ACAD9: variants seen among roughly 807,000 people sequenced by gnomAD.
ACAD9 encodes acyl-CoA dehydrogenase family member 9.
Under a neutral mutation model 70.2 loss-of-function variants are expected in ACAD9, and 53 were observed. The observed-to-expected ratio is 0.75, with a 90% confidence interval of 0.61 to 0.95. The LOEUF is 0.95. Ranked by LOEUF, ACAD9 falls within the 40% of genes least tolerant of loss-of-function variation. The probability of loss-of-function intolerance (pLI) is 0.00; values close to 1 mark genes in which losing one functional copy is unlikely to be tolerated. For synonymous variants in ACAD9, 313 were observed against 312.1 expected (o/e 1.00, Z -0.03); for missense variants, 777 against 802.8 (o/e 0.97, Z 0.39).
intron 13 of ACAD9, 152 bp downstream of exon 13, chr3:128,908,416 T>TG (rs1391062286): frequency 6.6e-6 from 6 of 907,842 alleles, no homozygotes; most frequent in South Asian, 5.6e-5. Context: ...CCTGTGGTAG[T>TG]GGGGGGCTTG....
Position 128,902,522 on chromosome 3 carries a change from G to T in ACAD9, c.883-31G>T. The T allele has an allele frequency of 6.2e-7, 1 of 1,613,746 alleles. No homozygotes were observed. ...GGCCTCCTCCCTCTGCCTCCTTCAG[G>T]GCCCCTGGGCTCTCCCTGTTCTCCC... On this transcript the variant is annotated intron_variant, in intron 8 of 17. Transcript: ENST00000308982. This position sits in a 1 kb window ranked among gnomAD's most constrained non-coding sequence, Gnocchi z 4.0.
intron 13 of ACAD9, 31 bp from the exon 14 acceptor site, chr3:128,908,942 C>G (rs757693811): frequency 6.2e-7 from 1 of 1,613,912 alleles, no homozygotes; most frequent in Non-Finnish European, 8.5e-7. Context: ...GCAGCGAGGC[C>G]TCCAGTCACA....
At position 128,911,206 on chromosome 3, in the gene ACAD9, G is replaced by A. The variant is rs191074422; in HGVS notation, c.1765+393G>A. ...CGAGTAGCTGGGATTACAGGCGCAC[G>A]CCACCACGCCCGGCTAATTTTTTGT... is the stretch of plus-strand genomic sequence containing the variant. On this transcript the variant is annotated intron_variant, in intron 17 of 17. Transcript: ENST00000308982. Among the ~76,000 whole-genome samples, 4 of 151,974 alleles carry A rather than the reference G, an allele frequency of 2.6e-5. No homozygotes were observed. The East Asian group carries it at 5.9e-4, about 22-fold the overall frequency.
chr3:128,910,006 C>A lies in ACAD9; in HGVS notation c.1564-15C>A. On this transcript the variant is annotated splice_polypyrimidine_tract_variant and intron_variant, in intron 15 of 17. Coordinates refer to ENST00000308982, the MANE Select transcript of ACAD9 (RefSeq NM_014049.5). The stretch of plus-strand genomic sequence containing the variant: ...CTAGGTAGTGAGTCCCCACTTGGAG[C>A]CTCTGTGATCCCAGACCATCATGGA... 1 of 1,612,744 alleles carries A rather than the reference C, an allele frequency of 6.2e-7. No homozygotes were observed. Among genetic ancestry groups the A allele is most frequent in the Non-Finnish European group, 8.5e-7 (1 of 1,179,676 alleles).
At chr3:128,895,756 C>A (rs1213955524) in intron 4 of ACAD9, among the ~76,000 whole-genome samples, 1 of 152,144 alleles carries the variant, frequency 6.6e-6, no homozygotes, top group Non-Finnish European at 1.5e-5. Flanking sequence ...CTGAGCATGC[C>A]CCCACTCTTT....
chr3:128,908,830 G>A (rs915131155), intron 13 of ACAD9, 143 bp from the exon 14 acceptor site: 7 of 1,332,130 alleles, frequency 5.3e-6, no homozygotes, highest in Admixed American at 3.8e-5. Flanking sequence ...GGTGGGTTTG[G>A]GGGGGTTCAG....
intron 3 of ACAD9, among the ~76,000 whole-genome samples, chr3:128,894,303 G>GCT (rs1223774272): frequency 6.6e-6 from 1 of 152,204 alleles, no homozygotes; most frequent in East Asian, 1.9e-4. Context: ...CAGTGGAAAA[G>GCT]CTCTGTCCTG....
intron 11 of ACAD9, 31 bp downstream of exon 11, chr3:128,904,536 T>C: frequency 6.2e-7 from 1 of 1,608,964 alleles, no homozygotes. Context: ...GAGCTGGCGC[T>C]GGAGGGAGGC....
At chr3:128,880,559 T>C (rs1935060712) in intron 1 of ACAD9, among the ~76,000 whole-genome samples, 2 of 152,116 alleles carry the variant, frequency 1.3e-5, no homozygotes, top group Non-Finnish European at 1.5e-5. Context: ...TTTTTTTTTT[T>C]TTGTATTTTT....
intron 5 of ACAD9, among the ~76,000 whole-genome samples, chr3:128,897,224 C>T (rs746732902): frequency 7.9e-5 from 12 of 152,138 alleles, no homozygotes; most frequent in Non-Finnish European, 1.3e-4. Flanking sequence ...GGTCTTGCTG[C>T]GTCACCCAGG....
At chr3:128,904,901 T>A (rs1366804204) in intron 11 of ACAD9, among the ~76,000 whole-genome samples, 1 of 152,172 alleles carries the variant, frequency 6.6e-6, no homozygotes, top group African/African-American at 2.4e-5. Context: ...TCCCAGCACT[T>A]TGGGGGGCCG....
chr3:128,902,564 C>T lies in ACAD9; in HGVS notation c.894C>T (p.Asn298=), dbSNP rs1248674783. ...EVGDGFKVAM[N]ILNSGRFSMG... ...TGTTCTCCCTGCAGGTGGCCATGAA[C>T]ATCCTCAACAGCGGCCGGTTCAGCA... Residue 298 remains asparagine, a synonymous_variant, in exon 9 of 18, where the codon AAC becomes AAT. Coordinates refer to ENST00000308982, the MANE Select transcript of ACAD9 (RefSeq NM_014049.5). The surrounding 1 kb of genome is among the most constrained non-coding windows in gnomAD (Gnocchi z 4.0). 3 of 1,614,092 alleles carry T rather than the reference C, an allele frequency of 1.9e-6. No homozygotes were observed. The highest frequency in any genetic ancestry group is 1.3e-5 in the African/African-American group (1 of 74,934).
intron 7 of ACAD9, among the ~76,000 whole-genome samples, chr3:128,901,061 A>G (rs1935722557): frequency 6.6e-6 from 1 of 152,150 alleles, no homozygotes; most frequent in African/African-American, 2.4e-5. Context: ...TTTCATCCAT[A>G]GCACTGATCA....
chr3:128,889,228 G>A (rs1454057056), intron 2 of ACAD9, among the ~76,000 whole-genome samples: 1 of 151,644 alleles, frequency 6.6e-6, no homozygotes, highest in Non-Finnish European at 1.5e-5. Context: ...TGCCCAGGCT[G>A]GTTTCCAACT....
intron 11 of ACAD9, 61 bp downstream of exon 11, chr3:128,904,566 G>T: frequency 6.3e-7 from 1 of 1,582,580 alleles, no homozygotes; most frequent in Non-Finnish European, 8.6e-7. Flanking sequence ...CTCCCTCACT[G>T]TGACCTTTCA....
intron 12 of ACAD9, among the ~76,000 whole-genome samples, chr3:128,906,914 G>C (rs189836978): frequency 2.6e-5 from 4 of 152,318 alleles, no homozygotes; most frequent in Admixed American, 2.0e-4. Flanking sequence ...TTTAAGCAGG[G>C]CATTATTTGG....
chr3:128,893,783 T>C (rs73210603), intron 3 of ACAD9, 127 bp downstream of exon 3: 21 of 780,654 alleles, frequency 2.7e-5, no homozygotes, highest in South Asian at 4.4e-5. Context: ...AGGGGTGGAC[T>C]GACTGAAGGA....
intron 2 of ACAD9, among the ~76,000 whole-genome samples, chr3:128,892,858 T>A (rs1004173138): frequency 1.3e-5 from 2 of 152,114 alleles, no homozygotes. Context: ...ATTCTCTCAT[T>A]TCCTAGAAAA....
At position 128,901,265 on chromosome 3, in the gene ACAD9, A is replaced by G. The variant is rs768005550; in HGVS notation, c.809-11A>G. The stretch of plus-strand genomic sequence containing the variant: ...ATTGTCAGATGATATCTTAAATTTC[A>G]TGTGTTTCAGCTTGTGAAGTCCATT... On this transcript the variant is annotated splice_polypyrimidine_tract_variant and intron_variant, in intron 7 of 17. Coordinates refer to ENST00000308982, the MANE Select transcript of ACAD9 (RefSeq NM_014049.5). The G allele has an allele frequency of 6.2e-6, 10 of 1,613,700 alleles. No homozygotes were observed. The highest frequency in any genetic ancestry group is 8.5e-6 in the Non-Finnish European group (10 of 1,179,634).
Sources: gnomAD v4.1 joint callset for allele counts (sites outside exome capture counted in the v4.1 genomes callset) on GRCh38, gnomAD v4.1.1 for gene constraint, Gnocchi (gnomAD v3.1) non-coding constraint, MANE v1.5 for transcripts, NCBI Gene and HGNC (gene_info 2026-07-23, HGNC 2026-07-21) for gene names.